The following TPD52L2 variants were observed in gnomAD, a reference collection of about 807,000 sequenced individuals.
TPD52L2 encodes the protein tumor protein D54.
TPD52L2 carries 19 observed loss-of-function variants against 24.7 expected under a neutral mutation model. That is an observed-to-expected ratio of 0.77 (90% CI 0.54 to 1.13). TPD52L2 has a LOEUF of 1.13. Among genes scored for constraint, TPD52L2 ranks in the 50% most tolerant of loss-of-function variants. TPD52L2 has a pLI of 0.00. For synonymous variants in TPD52L2, 104 were observed against 100.2 expected (o/e 1.04, Z -0.23); for missense variants, 236 against 250.4 (o/e 0.94, Z 0.39).
chr20:63,878,074 C>T (rs1287987535), intron 4 of TPD52L2, among the ~76,000 whole-genome samples: 2 of 152,278 alleles, frequency 1.3e-5, no homozygotes, highest in Non-Finnish European at 2.9e-5. Context: ...TGGCTGGTGC[C>T]TCTCCTAGTC....
intron 4 of TPD52L2, 65 bp downstream of exon 4, chr20:63,875,940 A>T: frequency 6.6e-7 from 1 of 1,521,002 alleles, no homozygotes; most frequent in Non-Finnish European, 9.1e-7. Flanking sequence ...TCAGTCGGGG[A>T]AGGGGGCTGT....
intron 3 of TPD52L2, 136 bp from the exon 4 acceptor site, chr20:63,875,680 C>T (rs1243046085): frequency 4.8e-6 from 4 of 833,282 alleles, no homozygotes; most frequent in Non-Finnish European, 7.7e-6. Flanking sequence ...CAGTGGACCC[C>T]ATTTTTGGGC....
At chr20:63,865,753 C>T (rs1184752817) in intron 1 of TPD52L2, among the ~76,000 whole-genome samples, 3 of 150,320 alleles carry the variant, frequency 2.0e-5, no homozygotes, top group Non-Finnish European at 4.4e-5. Flanking sequence ...CCCCCCGGTC[C>T]CTGCGCGGGG....
intron 2 of TPD52L2, among the ~76,000 whole-genome samples, chr20:63,871,410 C>A (rs900773098): frequency 4.0e-5 from 6 of 150,792 alleles, no homozygotes; most frequent in African/African-American, 1.5e-4. Context: ...AGTGCAGTGG[C>A]GTGATCTGGG....
intron 4 of TPD52L2, chr20:63,876,738 A>G (rs1417326444): frequency 4.4e-6 from 2 of 455,382 alleles, no homozygotes; most frequent in East Asian, 7.0e-5. Flanking sequence ...CTGCGTGCAC[A>G]TGGAGCCTTT....
intron 2 of TPD52L2, among the ~76,000 whole-genome samples, chr20:63,871,474 C>T (rs1413439784): frequency 1.3e-5 from 2 of 151,780 alleles, no homozygotes; most frequent in African/African-American, 2.4e-5. Context: ...CTCAGCCTCC[C>T]GAGTAGCTGG....
intron 3 of TPD52L2, among the ~76,000 whole-genome samples, chr20:63,875,014 C>T (rs868205046): frequency 6.6e-6 from 1 of 151,928 alleles, no homozygotes; most frequent in Non-Finnish European, 1.5e-5. Context: ...TGGTGGTGCG[C>T]ACCTGTGATC....
In TPD52L2 at chr20:63,890,078, C is replaced by T. The variant is rs2053276140; in HGVS notation, c.*133C>T. 2.0e-6 allele frequency: 3 copies of T among 1,513,936 alleles called. No homozygotes were observed. Among genetic ancestry groups the T allele is most frequent in the East Asian group, 2.5e-5 (1 of 40,748 alleles). The allele number at this position is 1,513,936 out of a possible 1,614,324, so 93.8% of individuals were successfully genotyped here. On this transcript the variant is annotated 3_prime_UTR_variant, in exon 7 of 7. Transcript: ENST00000346249. Reference sequence around the variant, plus strand: ...CCCTGAGGACAGTCCTGCCCATCCACGCGGAGATGTGGCTGCCGCGTTTGC... The same window carrying T: ...CCCTGAGGACAGTCCTGCCCATCCATGCGGAGATGTGGCTGCCGCGTTTGC...
rs2052652016 is a variant in TPD52L2 at position 63,875,813 on chromosome 20, T to C, written c.315-3T>C. On this transcript the variant is annotated splice_polypyrimidine_tract_variant and splice_region_variant and intron_variant, in intron 3 of 6. Transcript: ENST00000346249. Reference sequence around the variant, plus strand: ...TAATTCACTGTAGACTTTCTGTTTTTAGCTATGTGAAAACTTCTGAGAAAC... The same window carrying C: ...TAATTCACTGTAGACTTTCTGTTTTCAGCTATGTGAAAACTTCTGAGAAAC... The C allele has an allele frequency of 2.5e-6, 4 of 1,614,108 alleles. No individual in the cohort carries two copies. The highest frequency in any genetic ancestry group is 3.3e-4 in the Middle Eastern group (2 of 6,062).
At chr20:63,865,534 C>G in intron 1 of TPD52L2, 150 bp downstream of exon 1, 1 of 1,091,230 alleles carries the variant, frequency 9.2e-7, no homozygotes, top group East Asian at 3.0e-5. Flanking sequence ...CCACTGACCT[C>G]GAAGCTTATG....
intron 2 of TPD52L2, among the ~76,000 whole-genome samples, chr20:63,871,536 GA>G (rs1480194710): frequency 6.6e-6 from 1 of 151,618 alleles, no homozygotes; most frequent in Non-Finnish European, 1.5e-5. Context: ...TTTTAGTAGA[GA>G]CGGAGTTTCA....
At chr20:63,886,450 T>TG (rs2053110956) in intron 5 of TPD52L2, among the ~76,000 whole-genome samples, 2 of 151,358 alleles carry the variant, frequency 1.3e-5, no homozygotes, top group Admixed American at 6.6e-5. Flanking sequence ...AAGCTCCGCC[T>TG]CCCGGGTTCA....
At chr20:63,889,800 T>C in intron 6 of TPD52L2, 50 bp from the exon 7 acceptor site, 1 of 1,561,254 alleles carries the variant, frequency 6.4e-7, no homozygotes, top group Non-Finnish European at 8.8e-7. Flanking sequence ...CTGCCTTGTG[T>C]TGTGTGCTCT....
chr20:63,887,350 G>A (rs995209514), intron 5 of TPD52L2: 1 of 687,650 alleles, frequency 1.5e-6, no homozygotes, highest in Non-Finnish European at 2.6e-6. Flanking sequence ...CCAGTGCTAT[G>A]CGCTGGGCAA....
intron 5 of TPD52L2, chr20:63,887,174 C>G (rs138000877): frequency 2.9e-6 from 1 of 340,194 alleles, no homozygotes; most frequent in Admixed American, 4.5e-5. Flanking sequence ...AGGTCTAGAG[C>G]CAGGCCCAGA....
intron 5 of TPD52L2, chr20:63,887,689 C>T: frequency 7.3e-7 from 1 of 1,374,386 alleles, no homozygotes. Flanking sequence ...ACACCTTGCC[C>T]TTCCCATATT....
At chr20:63,870,711 A>G (rs1234665419) in intron 2 of TPD52L2, among the ~76,000 whole-genome samples, 1 of 145,616 alleles carries the variant, frequency 6.9e-6, no homozygotes, top group Non-Finnish European at 1.5e-5. Context: ...TTTTTAGTCG[A>G]GATGGGGTTT....
At chr20:63,866,131 A>C (rs1030018824) in intron 1 of TPD52L2, among the ~76,000 whole-genome samples, 2 of 151,784 alleles carry the variant, frequency 1.3e-5, no homozygotes, top group Non-Finnish European at 2.9e-5. Context: ...TTTGAGACGG[A>C]GTCTTGCTCT....
intron 4 of TPD52L2, chr20:63,876,669 C>A: frequency 2.3e-6 from 1 of 433,022 alleles, no homozygotes; most frequent in South Asian, 1.6e-5. Context: ...CCATGTTGGT[C>A]TGAAAGGAAG....
Sources: allele counts gnomAD v4.1 joint callset (sites outside exome capture counted in the v4.1 genomes callset), GRCh38; gene constraint gnomAD v4.1.1; transcripts MANE v1.5; gene names NCBI Gene and HGNC (gene_info 2026-07-23, HGNC 2026-07-21).